The following NOTCH3 variants were observed in gnomAD, a reference collection of about 807,000 sequenced individuals.
NOTCH3 encodes neurogenic locus notch homolog protein 3.
In NOTCH3, 86 loss-of-function variants were observed where a neutral mutation model predicts 213.3. That is an observed-to-expected ratio of 0.40 (90% CI 0.34 to 0.48). The LOEUF is 0.48. Ranked by LOEUF, NOTCH3 falls within the 20% of genes least tolerant of loss-of-function variation. The probability of loss-of-function intolerance (pLI) is 0.57; values close to 1 mark genes in which losing one functional copy is unlikely to be tolerated. For missense variants in NOTCH3, 2,783 were observed against 3,272.6 expected (o/e 0.85, Z 3.65); for synonymous variants, 1,354 against 1,355.9 (o/e 1.00, Z 0.03).
chr19:15,185,447 G>A lies in NOTCH3; in HGVS notation c.2145-39C>T. ...GTAGTCAGGCCAGGGAGGTGGGCCAGGGAGAGGGGGCAGTGTCTGAGGCTG... is the reference window on the plus strand; with the variant it reads ...GTAGTCAGGCCAGGGAGGTGGGCCAAGGAGAGGGGGCAGTGTCTGAGGCTG... On this transcript the variant is annotated intron_variant, in intron 13 of 32. Coordinates refer to ENST00000263388, the MANE Select transcript of NOTCH3 (RefSeq NM_000435.3). The surrounding 1 kb of genome is among the most constrained non-coding windows in gnomAD (Gnocchi z 4.2). 6.2e-7 allele frequency: 1 copy of A among 1,612,058 alleles called. No homozygotes were observed. The highest frequency in any genetic ancestry group is 1.7e-4 in the Middle Eastern group (1 of 6,024).
intron 8 of NOTCH3, among the ~76,000 whole-genome samples, 178 bp from the exon 9 acceptor site, chr19:15,188,526 G>A (rs1488012642): frequency 6.6e-6 from 1 of 152,008 alleles, no homozygotes; most frequent in Non-Finnish European, 1.5e-5. Flanking sequence ...ACCCAGCCGT[G>A]GTCCCAACTG....
chr19:15,181,661 C>T lies in NOTCH3; in HGVS notation c.2707G>A (p.Asp903Asn), dbSNP rs2046842960. Residue 903 changes from aspartate to asparagine, a missense_variant, in exon 17 of 33, where the codon GAC (aspartate) becomes AAC (asparagine). By Grantham distance (23) the Asp-to-Asn change is conservative (BLOSUM62 1). Coordinates refer to ENST00000263388, the MANE Select transcript of NOTCH3 (RefSeq NM_000435.3). ...SNPCGPGTCT[D>N]HVASFTCTCP... ...GTGCAGGTGAAGGAGGCCACGTGGT[C>T]GGTACAGGTGCCCGGGCCGCAGGGG... 6.4e-7 allele frequency: 1 copy of T among 1,553,228 alleles called. No individual in the cohort carries two copies. The highest frequency in any genetic ancestry group is 8.7e-7 in the Non-Finnish European group (1 of 1,148,090).
intron 20 of NOTCH3, chr19:15,179,700 G>A (rs1398489903): frequency 3.2e-6 from 2 of 620,632 alleles, no homozygotes; most frequent in Non-Finnish European, 5.8e-6. Flanking sequence ...TGGCCAACAT[G>A]GTGAAACCCT....
At chr19:15,194,945 G>C (rs1340305301) in intron 2 of NOTCH3, among the ~76,000 whole-genome samples, 8 of 133,890 alleles carry the variant, frequency 6.0e-5, no homozygotes, top group African/African-American at 2.3e-4. Flanking sequence ...CAACAAGAGC[G>C]ATACTCGATC....
rs749616364 is a variant in NOTCH3, at chr19:15,170,471, G to A, written c.4974C>T (p.Leu1658=). 6.8e-6 allele frequency: 11 copies of A among 1,607,890 alleles called. No homozygotes were observed. The highest frequency in any genetic ancestry group is 5.3e-5 in the African/African-American group (4 of 74,928). Residue 1658 remains leucine, a synonymous_variant, in exon 27 of 33, where the codon CTC becomes CTT. Transcript: ENST00000263388. The part of the protein sequence containing the change: ...VAGAVLLLVI[L]VLGVMVARRK... ...GCCGGGCCACCATGACACCCAGGACGAGAATGACCAGCAGCAAGACAGCGC... is the reference window on the plus strand; with the variant it reads ...GCCGGGCCACCATGACACCCAGGACAAGAATGACCAGCAGCAAGACAGCGC...
intron 1 of NOTCH3, among the ~76,000 whole-genome samples, chr19:15,198,680 G>A (rs1362104227): frequency 6.6e-6 from 1 of 151,866 alleles, no homozygotes; most frequent in Non-Finnish European, 1.5e-5. Flanking sequence ...GAACCCAGGA[G>A]CCAGAGGTTC....
chr19:15,181,162 G>A lies in NOTCH3; in HGVS notation c.2793C>T (p.Ser931=), dbSNP rs769066073. ...CACAGGTCCCGCCATTGAAGCAGGAGCTGGAGCGGAAGGAGTGGGAGGGAG... is the reference window on the plus strand; with the variant it reads ...CACAGGTCCCGCCATTGAAGCAGGAACTGGAGCGGAAGGAGTGGGAGGGAG... ...CEQDLPDCSP[S]SCFNGGTCVD... The change falls in exon 18 of 33, where the codon AGC becomes AGT. Residue 931 remains serine, a splice_region_variant and synonymous_variant. Transcript: ENST00000263388. The A allele has an allele frequency of 7.7e-5, 124 of 1,610,932 alleles. No homozygotes were observed. In the South Asian group the frequency reaches 1.3e-3, roughly 17 times the overall value.
At chr19:15,180,404 G>T in intron 19 of NOTCH3, 148 bp from the exon 20 acceptor site, 1 of 962,388 alleles carries the variant, frequency 1.0e-6, no homozygotes, top group Non-Finnish European at 1.6e-6. Context: ...CCCCCCAGCA[G>T]GCAAGGTCTC....
At chr19:15,200,312 C>A (rs1446208661) in intron 1 of NOTCH3, among the ~76,000 whole-genome samples, 1 of 151,314 alleles carries the variant, frequency 6.6e-6, no homozygotes, top group Non-Finnish European at 1.5e-5. Context: ...GAGTTCAGAG[C>A]TCCCAGAACT....
intron 32 of NOTCH3, 93 bp from the exon 33 acceptor site, chr19:15,161,807 T>C (rs535475957): frequency 3.1e-5 from 34 of 1,099,824 alleles, no homozygotes; most frequent in South Asian, 2.7e-4. Context: ...GCTATGAGTT[T>C]GTACACTGGA....
intron 25 of NOTCH3, among the ~76,000 whole-genome samples, chr19:15,173,057 T>C (rs146147755): frequency 0.21 from 272 of 1,276 alleles, 63 homozygotes; most frequent in Non-Finnish European, 0.26. Flanking sequence ...CTCCTCCCTC[T>C]TCTTCTTCTT....
chr19:15,179,757 C>A, intron 20 of NOTCH3: 1 of 589,960 alleles, frequency 1.7e-6, no homozygotes, highest in Non-Finnish European at 3.0e-6. Context: ...TGGTGGGTGC[C>A]TGTACTCCCA....
chr19:15,170,296 C>G (rs1055957197), intron 27 of NOTCH3, 35 bp downstream of exon 27: 3 of 1,580,118 alleles, frequency 1.9e-6, no homozygotes, highest in African/African-American at 1.3e-5. Context: ...ACAAGGTCCC[C>G]GTAGTCAGGG....
chr19:15,177,710 G>C lies in NOTCH3; in HGVS notation c.4218C>G (p.Asn1406Lys). 6.5e-7 allele frequency: 1 copy of C among 1,535,608 alleles called. No individual in the cohort carries two copies. Among genetic ancestry groups the C allele is most frequent in the Non-Finnish European group, 8.7e-7 (1 of 1,147,828 alleles). The change falls in exon 24 of 33, where the codon AAC becomes AAG. Residue 1406 changes from asparagine to lysine, a missense_variant. Physicochemically the swap from Asn to Lys is moderately conservative, Grantham distance 94. This residue lies in a region of NOTCH3 where 133 missense variants were observed against 201.9 expected (regional missense o/e 0.66). Transcript: ENST00000263388. ...RGDQRCDREC[N>K]SPGCGWDGGD... The stretch of plus-strand genomic sequence containing the variant: ...CGCCGTCCCAGCCGCAGCCTGGGCT[G>C]TTGCACTCGCGGTCGCAGCGCTGGT...
chr19:15,161,717 G>T lies in NOTCH3; in HGVS notation c.5914-3C>A. The T allele has an allele frequency of 6.2e-7, 1 of 1,612,534 alleles. No homozygotes were observed. On this transcript the variant is annotated splice_region_variant and splice_polypyrimidine_tract_variant and intron_variant, in intron 32 of 32. Coordinates refer to ENST00000263388, the MANE Select transcript of NOTCH3 (RefSeq NM_000435.3). ...GCCAGGAATAGGGGGGTCTCCTCCTGGGGGGCCAGAACCCACAGAGGTCAG... is the reference window on the plus strand; with the variant it reads ...GCCAGGAATAGGGGGGTCTCCTCCTTGGGGGCCAGAACCCACAGAGGTCAG...
At chr19:15,184,797 C>T (rs560691612) in intron 15 of NOTCH3, 109 bp downstream of exon 15, 1 of 693,852 alleles carries the variant, frequency 1.4e-6, no homozygotes, top group Non-Finnish European at 2.5e-6. Flanking sequence ...AAGCCCCTCT[C>T]AAAGGCAGGG....
At chr19:15,196,849 T>C (rs2046973673) in intron 2 of NOTCH3, among the ~76,000 whole-genome samples, 1 of 152,162 alleles carries the variant, frequency 6.6e-6, no homozygotes, top group Admixed American at 6.5e-5. Context: ...TAAGCTGAGC[T>C]CTTTCTGTCT....
In NOTCH3 at chr19:15,181,021, G is replaced by T; in HGVS notation, c.2934C>A (p.Ser978Arg). 1 of 1,599,290 alleles carries T rather than the reference G, an allele frequency of 6.3e-7. No homozygotes were observed. The highest frequency in any genetic ancestry group is 8.5e-7 in the Non-Finnish European group (1 of 1,173,984). The change falls in exon 18 of 33, where the codon AGC (serine) becomes AGA (arginine). Residue 978 changes from serine to arginine, a missense_variant. This residue lies in a region of NOTCH3 where 861 missense variants were observed against 909.1 expected (regional missense o/e 0.95). Coordinates refer to ENST00000263388, the MANE Select transcript of NOTCH3 (RefSeq NM_000435.3). ...TGCAGCGGAAGCCAGGGTGGGCGGCGCTGCAGACGCCCCCGTGTAGGCAGG... is the reference window on the plus strand; with the variant it reads ...TGCAGCGGAAGCCAGGGTGGGCGGCTCTGCAGACGCCCCCGTGTAGGCAGG... ...SRPCLHGGVC[S>R]AAHPGFRCTC...
chr19:15,174,637 T>A (rs1415714851), intron 24 of NOTCH3, among the ~76,000 whole-genome samples: 5 of 151,674 alleles, frequency 3.3e-5, no homozygotes, highest in African/African-American at 1.2e-4. Flanking sequence ...AGTAGCATGA[T>A]CTCTCAGCTC....
Sources: allele counts gnomAD v4.1 joint callset (sites outside exome capture counted in the v4.1 genomes callset), GRCh38; gene constraint gnomAD v4.1.1; regional missense constraint gnomAD v4.1.1; non-coding constraint Gnocchi (gnomAD v3.1); transcripts MANE v1.5; gene names NCBI Gene and HGNC (gene_info 2026-07-23, HGNC 2026-07-21).